The following PSPC1 variants were observed in gnomAD, a reference collection of about 807,000 sequenced individuals.
PSPC1 encodes paraspeckle protein 1.
PSPC1 carries 14 observed loss-of-function variants against 51.6 expected under a neutral mutation model. The ratio of observed to expected loss-of-function variants is 0.27; its 90% CI spans 0.18 to 0.42. The LOEUF (loss-of-function observed/expected upper bound fraction) is 0.42. Among genes scored for constraint, PSPC1 ranks in the 10% least tolerant of loss-of-function variants. The probability of loss-of-function intolerance (pLI) is 1.00; values close to 1 mark genes in which losing one functional copy is unlikely to be tolerated. For synonymous variants in PSPC1, 193 were observed against 231.9 expected, an observed-to-expected ratio of 0.83 and a Z score of 1.53; for missense variants, 406 against 701.1, an observed-to-expected ratio of 0.58 and a Z score of 4.75.
chr13:19,781,440 T>C (rs986411880), intron 1 of PSPC1, among the ~76,000 whole-genome samples: 4 of 152,142 alleles, frequency 2.6e-5, no homozygotes, highest in Non-Finnish European at 1.5e-5. Context: ...AAAGTTTAGA[T>C]TAAAAGAGAG....
rs145368569 is a variant in PSPC1 at position 19,707,280 on chromosome 13, A to G, written c.1217-1449T>C. On this transcript the variant is annotated intron_variant, in intron 7 of 8. Transcript: ENST00000338910. ...AAATCAAAAATAATATTTCCAACTAACAGCAGTTAACTTAGAGCCTTACTT... is the reference window on the plus strand; with the variant it reads ...AAATCAAAAATAATATTTCCAACTAGCAGCAGTTAACTTAGAGCCTTACTT... Among the ~76,000 whole-genome samples, 333 of 152,320 alleles carry G rather than the reference A, an allele frequency of 2.2e-3. 1 individual carries two copies. The highest frequency in any genetic ancestry group is 5.9e-3 in the African/African-American group (246 of 41,586).
At chr13:19,768,418 C>T (rs928287325) in intron 2 of PSPC1, among the ~76,000 whole-genome samples, 1 of 151,378 alleles carries the variant, frequency 6.6e-6, no homozygotes, top group Non-Finnish European at 1.5e-5. Context: ...GAGGCTGAGG[C>T]GGGCGGATCA....
At chr13:19,692,368 GACCTCCCAA>G (rs1878673162) in intron 6 of PSPC1, among the ~76,000 whole-genome samples, 1 of 152,104 alleles carries the variant, frequency 6.6e-6, no homozygotes, top group East Asian at 1.9e-4. Context: ...CACCCACCTT[GACCTCCCAA>G]AGTGCTCAGA....
At chr13:19,706,553 C>T (rs1247068995) in intron 7 of PSPC1, among the ~76,000 whole-genome samples, 3 of 151,838 alleles carry the variant, frequency 2.0e-5, no homozygotes, top group South Asian at 4.2e-4. Context: ...ATGGGGACAA[C>T]CTGATAATAT....
intron 5 of PSPC1, among the ~76,000 whole-genome samples, chr13:19,738,689 C>T (rs996716911): frequency 2.6e-5 from 4 of 152,152 alleles, no homozygotes; most frequent in Admixed American, 1.3e-4. Context: ...GGGAGGATCA[C>T]AAGGTCACGA....
chr13:19,673,715 G>A (rs1230443997), downstream of PSPC1, among the ~76,000 whole-genome samples: 1 of 152,190 alleles, frequency 6.6e-6, no homozygotes, highest in Non-Finnish European at 1.5e-5. Flanking sequence ...CTGTTTATCA[G>A]GAAGGCGGGG....
intron 4 of PSPC1, among the ~76,000 whole-genome samples, chr13:19,743,628 A>G (rs1885654400): frequency 6.6e-6 from 1 of 152,218 alleles, no homozygotes; most frequent in South Asian, 2.1e-4. Context: ...GGAAAACTTA[A>G]AAATATGCAT....
chr13:19,739,873 A>AC (rs1407493453), intron 5 of PSPC1, among the ~76,000 whole-genome samples: 5 of 151,984 alleles, frequency 3.3e-5, no homozygotes, highest in Non-Finnish European at 7.4e-5. Context: ...AAAAAAAAAA[A>AC]AAAAAAAACA....
intron 4 of PSPC1, among the ~76,000 whole-genome samples, chr13:19,750,459 A>AATAAATAT (rs1886425181): frequency 6.7e-6 from 1 of 148,436 alleles, no homozygotes; most frequent in Non-Finnish European, 1.5e-5. Context: ...AACAAACAAA[A>AATAAATAT]ATATATATAT....
At chr13:19,686,266 G>T (rs370626073) in intron 6 of PSPC1, among the ~76,000 whole-genome samples, 1 of 152,100 alleles carries the variant, frequency 6.6e-6, no homozygotes, top group African/African-American at 2.4e-5. Flanking sequence ...AGCAATCTCC[G>T]TCCCAAGGGG....
intron 7 of PSPC1, among the ~76,000 whole-genome samples, chr13:19,708,849 C>T (rs1881034878): frequency 6.6e-6 from 1 of 152,164 alleles, no homozygotes; most frequent in Non-Finnish European, 1.5e-5. Flanking sequence ...CAATTTCCAA[C>T]TCGGAAACTA....
Position 19,709,596 on chromosome 13 carries a change from C to T in PSPC1, c.1162G>A (p.Glu388Lys), listed in dbSNP as rs1293531902. 1.2e-5 allele frequency: 19 copies of T among 1,611,076 alleles called. No individual in the cohort carries two copies. The highest frequency in any genetic ancestry group is 1.5e-5 in the Non-Finnish European group (18 of 1,178,604). Reference protein sequence around the residue: ...GFKPNYMENREQEMRMGDMGP... With the variant: ...GFKPNYMENRKQEMRMGDMGP... ...ATATCACCCATTCTCATTTCCTGTT[C>T]TCTCTGTAAGTAAACATAGTTGTCA... Residue 388 changes from glutamate (E) to lysine (K), a missense_variant, in exon 7 of 9, where the codon GAA becomes AAA. Transcript: ENST00000338910.
chr13:19,746,421 T>C (rs1885987938), intron 4 of PSPC1, among the ~76,000 whole-genome samples: 2 of 146,332 alleles, frequency 1.4e-5, no homozygotes, highest in Non-Finnish European at 3.0e-5. Flanking sequence ...AAATAAATGT[T>C]AAAAAAAAAT....
intron 1 of PSPC1, among the ~76,000 whole-genome samples, chr13:19,779,346 C>G (rs1432188146): frequency 6.2e-5 from 7 of 112,990 alleles, no homozygotes; most frequent in African/African-American, 1.6e-4. Flanking sequence ...TCAGCCCCCC[C>G]GCCCGGCCAG....
At chr13:19,745,612 T>G (rs1885888721) in intron 4 of PSPC1, among the ~76,000 whole-genome samples, 2 of 151,628 alleles carry the variant, frequency 1.3e-5, no homozygotes, top group African/African-American at 4.9e-5. Context: ...TTTATGACAC[T>G]GAATTAATTT....
At chr13:19,728,547 T>C (rs1176248624) in intron 6 of PSPC1, among the ~76,000 whole-genome samples, 2 of 151,602 alleles carry the variant, frequency 1.3e-5, no homozygotes, top group South Asian at 2.1e-4. Context: ...GAAGAACAAC[T>C]GCCAGAATGG....
chr13:19,681,949 G>T (rs1487692201), intron 6 of PSPC1, among the ~76,000 whole-genome samples: 8 of 152,162 alleles, frequency 5.3e-5, no homozygotes, highest in South Asian at 2.1e-4. Context: ...AAGCAACAAA[G>T]AATGTATTTT....
intron 6 of PSPC1, among the ~76,000 whole-genome samples, chr13:19,709,949 G>C (rs535314668): frequency 6.6e-6 from 1 of 152,076 alleles, no homozygotes; most frequent in East Asian, 1.9e-4. Flanking sequence ...AACCACCAGA[G>C]CCAATTATTT....
At chr13:19,721,598 A>AACGTTCTCAGAACATTCTAAAC (rs1882774315) in intron 6 of PSPC1, among the ~76,000 whole-genome samples, 1 of 152,208 alleles carries the variant, frequency 6.6e-6, no homozygotes, top group Admixed American at 6.5e-5. Context: ...TCATTTTCTA[A>AACGTTCTCAGAACATTCTAAAC]ATTCTCAGAA....
Sources: gnomAD v4.1 joint callset for allele counts (sites outside exome capture counted in the v4.1 genomes callset) on GRCh38, gnomAD v4.1.1 for gene constraint, MANE v1.5 for transcripts, NCBI Gene and HGNC (gene_info 2026-07-23, HGNC 2026-07-21) for gene names.